The following PABPC4L variants were observed in gnomAD, a reference collection of about 807,000 sequenced individuals.
PABPC4L encodes poly(A) binding protein cytoplasmic 4 like.
For missense variants in PABPC4L, 452 were observed against 451.4 expected (o/e 1.00, Z -0.01); for synonymous variants, 169 against 164.1 (o/e 1.03, Z -0.23).
chr4:134,118,999 G>T, the PABPC4L span, among the ~76,000 whole-genome samples: 1 of 151,504 alleles, frequency 6.6e-6, no homozygotes, highest in African/African-American at 2.4e-5. Context: ...TCACAATTAA[G>T]GTACTACATA....
At chr4:134,159,277 A>AC in the PABPC4L span, among the ~76,000 whole-genome samples, 1 of 152,062 alleles carries the variant, frequency 6.6e-6, no homozygotes, top group Non-Finnish European at 1.5e-5. Context: ...AATAGTGACC[A>AC]CCCCCCTGTA....
the PABPC4L span, among the ~76,000 whole-genome samples, chr4:134,188,956 C>T: frequency 1.3e-5 from 2 of 151,694 alleles, no homozygotes; most frequent in South Asian, 2.1e-4. Flanking sequence ...TTCTGTAGTC[C>T]CATAGTTCTT....
chr4:134,133,181 T>C, the PABPC4L span, among the ~76,000 whole-genome samples: 27 of 130,738 alleles, frequency 2.1e-4, no homozygotes, highest in African/African-American at 7.2e-4. Context: ...TATGATTATA[T>C]GTAAAGTGTA....
At chr4:134,006,002 G>A in the PABPC4L span, among the ~76,000 whole-genome samples, 1 of 151,888 alleles carries the variant, frequency 6.6e-6, no homozygotes, top group African/African-American at 2.4e-5. Context: ...ATGCAGACAT[G>A]ATTAGAAGCC....
chr4:134,052,387 T>C, the PABPC4L span, among the ~76,000 whole-genome samples: 2 of 152,100 alleles, frequency 1.3e-5, no homozygotes, highest in African/African-American at 4.8e-5. Flanking sequence ...CTCTCATATT[T>C]AGAAAACAGT....
the PABPC4L span, among the ~76,000 whole-genome samples, chr4:134,173,670 C>A: frequency 6.6e-6 from 1 of 151,880 alleles, no homozygotes; most frequent in Non-Finnish European, 1.5e-5. Context: ...CTATAGTTAA[C>A]AATTTATTGT....
chr4:133,958,145 A>G, the PABPC4L span, among the ~76,000 whole-genome samples: 4 of 152,192 alleles, frequency 2.6e-5, no homozygotes, highest in African/African-American at 4.8e-5. Flanking sequence ...GATTTTCCAA[A>G]CTTTAATGCT....
chr4:134,058,297 A>C, the PABPC4L span, among the ~76,000 whole-genome samples: 1 of 152,088 alleles, frequency 6.6e-6, no homozygotes, highest in Admixed American at 6.6e-5. Flanking sequence ...AAATTTATCT[A>C]AAAATAGGCA....
the PABPC4L span, among the ~76,000 whole-genome samples, chr4:134,063,921 C>T: frequency 6.6e-6 from 1 of 151,900 alleles, no homozygotes; most frequent in East Asian, 1.9e-4. Flanking sequence ...AATATGGTCT[C>T]AATGCTGAGA....
the PABPC4L span, among the ~76,000 whole-genome samples, chr4:134,013,716 C>T: frequency 0.019 from 2,823 of 152,034 alleles, 42 homozygotes; most frequent in Middle Eastern, 0.027. Flanking sequence ...AATGCAACTC[C>T]TCCCAAATCT....
the PABPC4L span, among the ~76,000 whole-genome samples, chr4:134,162,927 T>C: frequency 2.0e-5 from 3 of 151,986 alleles, no homozygotes; most frequent in East Asian, 1.9e-4. Flanking sequence ...AGATCACAAA[T>C]TGGCAACCCA....
At chr4:134,154,976 T>C in the PABPC4L span, among the ~76,000 whole-genome samples, 1 of 152,062 alleles carries the variant, frequency 6.6e-6, no homozygotes, top group Non-Finnish European at 1.5e-5. Context: ...TCTTTATATA[T>C]AACATTATTA....
At chr4:134,086,297 T>A in the PABPC4L span, among the ~76,000 whole-genome samples, 1 of 152,112 alleles carries the variant, frequency 6.6e-6, no homozygotes, top group African/African-American at 2.4e-5. Context: ...ATAATCCAGT[T>A]CTGAGTTGTC....
At chr4:134,124,348 C>T in the PABPC4L span, among the ~76,000 whole-genome samples, 2 of 152,076 alleles carry the variant, frequency 1.3e-5, no homozygotes, top group Admixed American at 1.3e-4. Context: ...TGCTGCTACT[C>T]TAAAACTAGT....
the PABPC4L span, among the ~76,000 whole-genome samples, chr4:134,127,002 T>C: frequency 9.2e-5 from 14 of 152,088 alleles, no homozygotes; most frequent in Non-Finnish European, 1.9e-4. Context: ...GGTCTGTGGC[T>C]GCCGGCTTTC....
the PABPC4L span, among the ~76,000 whole-genome samples, chr4:134,097,860 T>G: frequency 3.3e-5 from 5 of 152,050 alleles, no homozygotes; most frequent in East Asian, 9.7e-4. Context: ...GTTTTTACTT[T>G]CTGTGCCATT....
the PABPC4L span, among the ~76,000 whole-genome samples, chr4:133,970,455 G>T: frequency 6.6e-6 from 1 of 152,142 alleles, no homozygotes; most frequent in African/African-American, 2.4e-5. Flanking sequence ...TCCCCTCTGA[G>T]CTATGATTGC....
chr4:133,986,478 ATACT>A, the PABPC4L span, among the ~76,000 whole-genome samples: 2,688 of 152,212 alleles, frequency 0.018, 73 homozygotes, highest in African/African-American at 0.061. Flanking sequence ...TTCAGGACAA[ATACT>A]TAATGACAAT....
At chr4:134,196,208 C>A (rs1729650681), downstream of PABPC4L, 1 of 151,266 alleles carries the variant, frequency 6.6e-6, no homozygotes, top group African/African-American at 2.4e-5. Flanking sequence ...AGAAATTGTC[C>A]TTGAAAACCT....
Sources: gnomAD v4.1 joint callset for allele counts (sites outside exome capture counted in the v4.1 genomes callset) on GRCh38, gnomAD v4.1.1 for gene constraint, MANE v1.5 for transcripts, NCBI Gene and HGNC (gene_info 2026-07-23, HGNC 2026-07-21) for gene names.